SRSF1: variants seen among roughly 807,000 people sequenced by gnomAD.
SRSF1 encodes serine and arginine rich splicing factor 1, also known as serine/arginine-rich splicing factor 1.
In SRSF1, 1 loss-of-function variant was observed where a neutral mutation model predicts 25.9. The observed-to-expected ratio is 0.04, with a 90% CI of 0.01 to 0.18. The LOEUF (loss-of-function observed/expected upper bound fraction) is 0.18. Among genes scored for constraint, SRSF1 ranks in the 10% least tolerant of loss-of-function variants. SRSF1 has a pLI of 1.00. For missense variants in SRSF1, 65 were observed against 350.5 expected (o/e 0.19, Z 6.50); for synonymous variants, 132 against 126.2 (o/e 1.05, Z -0.31).
In SRSF1 at chr17:58,002,766, C is replaced by T. The variant is rs138458137; in HGVS notation, c.*2640G>A. 8.7e-3 allele frequency among the ~76,000 whole-genome samples: 1,326 copies of T among 152,330 alleles called. 14 individuals are homozygous for T. Among genetic ancestry groups the T allele is most frequent in the Middle Eastern group, 0.041 (12 of 294 alleles). On this transcript the variant is annotated 3_prime_UTR_variant, in exon 4 of 4. Transcript: ENST00000258962. ...GTGGCTCACACCTGTAATCCTAACACTTTGGGAGGCCAAGGCAGGCAGATC... is the reference window on the plus strand; with the variant it reads ...GTGGCTCACACCTGTAATCCTAACATTTTGGGAGGCCAAGGCAGGCAGATC...
downstream of SRSF1, among the ~76,000 whole-genome samples, chr17:57,999,973 CTAAACAG>C (rs1336177063): frequency 6.6e-6 from 1 of 152,028 alleles, no homozygotes; most frequent in African/African-American, 2.4e-5. Context: ...TTTTGCTTAC[CTAAACAG>C]TAAACTTCTT....
intron 1 of SRSF1, 97 bp from the exon 2 acceptor site, chr17:58,006,624 G>A (rs1489260933): frequency 4.3e-6 from 6 of 1,383,558 alleles, no homozygotes; most frequent in South Asian, 1.4e-5. Context: ...CGCACCCAAC[G>A]TGGAAGAGCC....
intron 2 of SRSF1, 67 bp from the exon 3 acceptor site, chr17:58,006,040 C>T: frequency 1.4e-6 from 2 of 1,470,948 alleles, no homozygotes; most frequent in Non-Finnish European, 9.3e-7. Flanking sequence ...TGGTAAGGTA[C>T]ATTAGGACAA....
chr17:57,998,824 A>C (rs2075374328), downstream of SRSF1, among the ~76,000 whole-genome samples: 1 of 152,218 alleles, frequency 6.6e-6, no homozygotes, highest in Non-Finnish European at 1.5e-5. Flanking sequence ...TTATTCTTTG[A>C]AACAGACTGA....
At chr17:57,989,189 G>C in the SRSF1 span, 1 of 398,458 alleles carries the variant, frequency 2.5e-6, no homozygotes, top group Admixed American at 4.4e-5. Context: ...AGGCGTCACT[G>C]CTACTGGAAC....
Position 58,003,323 on chromosome 17 carries a change from T to C in SRSF1, c.*2083A>G, listed in dbSNP as rs2075405561. 1 of 152,204 alleles carries C rather than the reference T, an allele frequency of 6.6e-6. No homozygotes were observed. The highest frequency in any genetic ancestry group is 1.5e-5 in the Non-Finnish European group (1 of 68,034). The allele number at this position is 152,204 out of a possible 1,614,324, so 9.4% of individuals were successfully genotyped here. ...CCCTTTTGCTTTCCCCTGAAGACTT[T>C]TACAATTAACAATAAAAGATGGCTA... On this transcript the variant is annotated 3_prime_UTR_variant, in exon 4 of 4. Coordinates refer to ENST00000258962, the MANE Select transcript of SRSF1 (RefSeq NM_006924.5).
At chr17:57,989,054 T>C in the SRSF1 span, 1 of 395,404 alleles carries the variant, frequency 2.5e-6, no homozygotes, top group Non-Finnish European at 4.5e-6. Flanking sequence ...AGACAAATTA[T>C]TTTAGTCCTT....
At position 58,002,713 on chromosome 17, in the gene SRSF1, G is replaced by C. The variant is rs549990771; in HGVS notation, c.*2693C>G. ...CCCTTTCAAAAAAGAAATGAGACTT[G>C]GGTTAAAAGTTCTACAGGCTGAGCA... On this transcript the variant is annotated 3_prime_UTR_variant, in exon 4 of 4. Transcript: ENST00000258962. 3.3e-5 allele frequency among the ~76,000 whole-genome samples: 5 copies of C among 152,238 alleles called. No homozygotes were observed. In the South Asian group the frequency reaches 1.0e-3, roughly 32 times the overall value.
the SRSF1 span, chr17:57,991,003 C>G: frequency 6.6e-6 from 1 of 152,172 alleles, no homozygotes; most frequent in Non-Finnish European, 1.5e-5. Context: ...AGATATATAA[C>G]AGATGTGAAA....
chr17:57,992,060 A>G, the SRSF1 span: 1 of 152,246 alleles, frequency 6.6e-6, no homozygotes, highest in Non-Finnish European at 1.5e-5. Flanking sequence ...AAAGCCATGG[A>G]AACACATTTA....
At chr17:58,006,553 G>C in intron 1 of SRSF1, 26 bp from the exon 2 acceptor site, 3 of 1,595,650 alleles carry the variant, frequency 1.9e-6, no homozygotes, top group African/African-American at 2.7e-5. Flanking sequence ...AAGTAAAAGG[G>C]ATGAGAAACA....
rs1213800502 is a variant in SRSF1, at chr17:58,005,797, C to T, written c.552+4G>A. ...TCAAAGAAAAGAATACGTGTATAAC[C>T]TACCTCATGAGATCTAAACTTAGTG... On this transcript the variant is annotated splice_donor_region_variant and intron_variant, in intron 3 of 3. Transcript: ENST00000258962. This position sits in a 1 kb window ranked among gnomAD's most constrained non-coding sequence, Gnocchi z 5.2. 9.9e-6 allele frequency: 16 copies of T among 1,614,150 alleles called. No individual in the cohort carries two copies. The highest frequency in any genetic ancestry group is 1.3e-5 in the Non-Finnish European group (15 of 1,180,028).
chr17:58,006,567 G>C, intron 1 of SRSF1, 40 bp from the exon 2 acceptor site: 1 of 1,576,500 alleles, frequency 6.3e-7, no homozygotes, highest in South Asian at 1.1e-5. Context: ...AGAAACACCA[G>C]GAGGAGAAGC....
rs1412235887 is a variant in SRSF1, at chr17:58,002,708, G to A, written c.*2698C>T. On this transcript the variant is annotated 3_prime_UTR_variant, in exon 4 of 4. Coordinates refer to ENST00000258962, the MANE Select transcript of SRSF1 (RefSeq NM_006924.5). ...CTCTTCCCTTTCAAAAAAGAAATGA[G>A]ACTTGGGTTAAAAGTTCTACAGGCT... Among the ~76,000 whole-genome samples, 1 of 152,148 alleles carries A rather than the reference G, an allele frequency of 6.6e-6. No homozygotes were observed. Among genetic ancestry groups the A allele is most frequent in the East Asian group, 1.9e-4 (1 of 5,198 alleles).
downstream of SRSF1, among the ~76,000 whole-genome samples, chr17:57,999,578 C>G (rs1166311965): frequency 6.6e-6 from 1 of 152,192 alleles, no homozygotes; most frequent in South Asian, 2.1e-4. Flanking sequence ...AACCATCTAA[C>G]TTTAGAGCTG....
At chr17:57,996,961 G>T (rs986674414), downstream of SRSF1, among the ~76,000 whole-genome samples, 4 of 152,148 alleles carry the variant, frequency 2.6e-5, no homozygotes, top group African/African-American at 9.7e-5. Context: ...CAACCAAAAT[G>T]ATTCCATCCC....
downstream of SRSF1, among the ~76,000 whole-genome samples, chr17:57,999,190 CCT>C (rs1316277464): frequency 3.3e-5 from 5 of 152,114 alleles, no homozygotes; most frequent in African/African-American, 1.2e-4. Context: ...ACTTTAAGAA[CCT>C]CTTAGTAATA....
the SRSF1 span, among the ~76,000 whole-genome samples, chr17:57,995,323 AT>A: frequency 1.3e-5 from 2 of 152,140 alleles, no homozygotes; most frequent in South Asian, 4.1e-4. Context: ...CTTTTCTATG[AT>A]TTTTTTGTGG....
In SRSF1 at chr17:58,004,756, CA is replaced by C; in HGVS notation, c.*649del. ...TACAAAATGGGCAATATAATTTTGC[CA>C]CAATTGCCAAGGTTTAAAAAGCAAA... On this transcript the variant is annotated 3_prime_UTR_variant, in exon 4 of 4. Coordinates refer to ENST00000258962, the MANE Select transcript of SRSF1 (RefSeq NM_006924.5). 1 of 386,278 alleles carries C rather than the reference CA, an allele frequency of 2.6e-6. No individual in the cohort carries two copies. Among genetic ancestry groups the C allele is most frequent in the East Asian group, 3.7e-5 (1 of 27,150 alleles). The allele number at this position is 386,278 out of a possible 1,614,324, so 23.9% of individuals were successfully genotyped here.
Sources: allele counts gnomAD v4.1 joint callset (sites outside exome capture counted in the v4.1 genomes callset), GRCh38; gene constraint gnomAD v4.1.1; non-coding constraint Gnocchi (gnomAD v3.1); transcripts MANE v1.5; gene names NCBI Gene and HGNC (gene_info 2026-07-23, HGNC 2026-07-21).